The following CDK13 variants were observed in gnomAD, a reference collection of about 807,000 sequenced individuals.
The protein encoded by CDK13 is cyclin dependent kinase 13, also known as cyclin-dependent kinase 13.
A neutral mutation model predicts 137.6 loss-of-function variants in CDK13; 40 were observed. The observed-to-expected ratio is 0.29, with a 90% CI of 0.23 to 0.38. The LOEUF (loss-of-function observed/expected upper bound fraction) is 0.38. CDK13 is among the 10% of genes least tolerant of loss of function. CDK13 has a pLI of 1.00. For missense variants in CDK13, 1,704 were observed against 1,951.8 expected (o/e 0.87, Z 2.39); for synonymous variants, 869 against 760.1 (o/e 1.14, Z -2.36).
At chr7:40,045,748 T>G (rs1785722826) in intron 5 of CDK13, 88 bp from the exon 6 acceptor site, 2 of 828,994 alleles carry the variant, frequency 2.4e-6, no homozygotes, top group African/African-American at 3.5e-5. Flanking sequence ...TAATTCTTCC[T>G]CTACCAGCCT....
chr7:39,966,134 C>T (rs1783865681), intron 1 of CDK13, among the ~76,000 whole-genome samples: 1 of 152,114 alleles, frequency 6.6e-6, no homozygotes, highest in Non-Finnish European at 1.5e-5. Context: ...TTGTGGCGTT[C>T]TCTGCATTTC....
intron 7 of CDK13, among the ~76,000 whole-genome samples, chr7:40,058,132 A>T (rs549243434): frequency 3.3e-5 from 5 of 152,246 alleles, no homozygotes; most frequent in Admixed American, 3.3e-4. Flanking sequence ...TGAGAAAGGG[A>T]AAACTTAATG....
chr7:40,058,336 C>G (rs17171648), intron 7 of CDK13, among the ~76,000 whole-genome samples: 12,275 of 151,946 alleles, frequency 0.081, 1,664 homozygotes, highest in African/African-American at 0.28. Flanking sequence ...CAGTTTTAAG[C>G]AAGCAGTTGA....
chr7:40,020,374 GT>G (rs1488210277), intron 5 of CDK13, among the ~76,000 whole-genome samples: 2 of 151,994 alleles, frequency 1.3e-5, no homozygotes, highest in Non-Finnish European at 2.9e-5. Flanking sequence ...GGCCCAAATT[GT>G]TTTATCGCCT....
At chr7:39,955,970 G>A (rs1397241105) in intron 1 of CDK13, among the ~76,000 whole-genome samples, 3 of 151,738 alleles carry the variant, frequency 2.0e-5, no homozygotes, top group Non-Finnish European at 2.9e-5. Flanking sequence ...ATCTGAAAAA[G>A]ATGGGTGGAC....
intron 5 of CDK13, among the ~76,000 whole-genome samples, chr7:40,012,108 A>G (rs113608213): frequency 1.5e-4 from 23 of 152,294 alleles, no homozygotes; most frequent in African/African-American, 3.4e-4. Context: ...TAAGATGGCT[A>G]TTATAAAAAA....
chr7:39,950,627 G>T lies in CDK13; in HGVS notation c.-15G>T. On this transcript the variant is annotated 5_prime_UTR_variant, in exon 1 of 14. Coordinates refer to ENST00000181839, the MANE Select transcript of CDK13 (RefSeq NM_003718.5). ...AGGCCGCACCCGCGCCGCGCTCTGC[G>T]GCTGGCTCTAGGCGATGCCGAGCAG... 3 of 1,290,926 alleles carry T rather than the reference G, an allele frequency of 2.3e-6. No individual in the cohort carries two copies. Among genetic ancestry groups the T allele is most frequent in the South Asian group, 2.3e-5 (1 of 43,578 alleles). The allele number at this position is 1,290,926 out of a possible 1,614,324, so 80.0% of individuals were successfully genotyped here.
chr7:40,078,457 CA>C (rs1223029796), intron 10 of CDK13: 5 of 276,132 alleles, frequency 1.8e-5, no homozygotes, highest in African/African-American at 8.8e-5. Context: ...TGTATAATAA[CA>C]GCAAATTACC....
At chr7:40,058,100 A>G (rs946137188) in intron 7 of CDK13, among the ~76,000 whole-genome samples, 2 of 152,086 alleles carry the variant, frequency 1.3e-5, no homozygotes, top group Non-Finnish European at 2.9e-5. Flanking sequence ...TAGGAAGTAA[A>G]TTGGAGCTAA....
chr7:40,085,204 T>TA (rs1257333766), intron 11 of CDK13, among the ~76,000 whole-genome samples: 3 of 151,840 alleles, frequency 2.0e-5, no homozygotes, highest in Non-Finnish European at 4.4e-5. Flanking sequence ...CTACTAAAAA[T>TA]ACGAAAATTA....
At chr7:40,006,426 C>T (rs1003066518) in intron 5 of CDK13, among the ~76,000 whole-genome samples, 43 of 152,130 alleles carry the variant, frequency 2.8e-4, no homozygotes, top group Non-Finnish European at 1.8e-4. Flanking sequence ...TTACTTTCTT[C>T]CTTTCACTGA....
At chr7:39,965,579 C>A (rs1259951976) in intron 1 of CDK13, among the ~76,000 whole-genome samples, 2 of 152,142 alleles carry the variant, frequency 1.3e-5, no homozygotes, top group Admixed American at 6.5e-5. Flanking sequence ...CCAATTTGCC[C>A]ATCTGTGTCT....
Position 39,992,105 on chromosome 7 carries a change from G to A in CDK13, c.1871+3847G>A, listed in dbSNP as rs13438696. Among the ~76,000 whole-genome samples, 915 of 133,352 alleles carry A rather than the reference G, an allele frequency of 6.9e-3. 4 individuals carry two copies. Among genetic ancestry groups the A allele is most frequent in the East Asian group, 0.018 (82 of 4,552 alleles). 87.5% of individuals were successfully genotyped at this position (133,352 alleles called of 152,430 possible). On this transcript the variant is annotated intron_variant, in intron 2 of 13. Coordinates refer to ENST00000181839, the MANE Select transcript of CDK13 (RefSeq NM_003718.5). ...CACACACACACACACACACACACAC[G>A]CACACACACACACAAGCACACACGC...
intron 1 of CDK13, among the ~76,000 whole-genome samples, chr7:39,961,865 C>T (rs1783745595): frequency 6.6e-6 from 1 of 152,130 alleles, no homozygotes; most frequent in South Asian, 2.1e-4. Flanking sequence ...CAATTCCCAC[C>T]TATGAGTGAG....
chr7:40,062,811 T>G lies in CDK13; in HGVS notation c.2601-15T>G, dbSNP rs770352823. On this transcript the variant is annotated splice_polypyrimidine_tract_variant and intron_variant, in intron 7 of 13. Transcript: ENST00000181839. Reference sequence around the variant, plus strand: ...ACAAATACTAACTCTAAAGACTGTTTTCTGTGTTTTTTAGTCGGCCGTATA... The same window carrying G: ...ACAAATACTAACTCTAAAGACTGTTGTCTGTGTTTTTTAGTCGGCCGTATA... 4 of 1,554,844 alleles carry G rather than the reference T, an allele frequency of 2.6e-6. No individual in the cohort carries two copies. Among genetic ancestry groups the G allele is most frequent in the Non-Finnish European group, 3.6e-6 (4 of 1,126,498 alleles).
Position 40,095,951 on chromosome 7 carries a change from C to G in CDK13, c.*971C>G, listed in dbSNP as rs1305388237. The G allele has an allele frequency of 1.3e-5, 2 of 152,092 alleles. No individual in the cohort carries two copies. Among genetic ancestry groups the G allele is most frequent in the Non-Finnish European group, 2.9e-5 (2 of 68,016 alleles). 9.4% of individuals were successfully genotyped at this position (152,092 alleles called of 1,614,324 possible). On this transcript the variant is annotated 3_prime_UTR_variant, in exon 14 of 14. Coordinates refer to ENST00000181839, the MANE Select transcript of CDK13 (RefSeq NM_003718.5). ...ATCAGTACATATTGTTTGAGAAGTT[C>G]TACAAAGTTTTGTCATTTAAATGGT...
At chr7:40,077,696 A>G (rs970224910) in intron 9 of CDK13, among the ~76,000 whole-genome samples, 7 of 152,106 alleles carry the variant, frequency 4.6e-5, no homozygotes, top group African/African-American at 1.7e-4. Context: ...CTCTACTAAA[A>G]ATACAAAAAC....
chr7:39,961,196 TA>T (rs1454916247), intron 1 of CDK13, among the ~76,000 whole-genome samples: 6 of 151,972 alleles, frequency 3.9e-5, no homozygotes, highest in Admixed American at 3.9e-4. Context: ...CCGTCTCTAC[TA>T]AAAATACAAA....
intron 5 of CDK13, among the ~76,000 whole-genome samples, chr7:40,041,773 A>G (rs1250722204): frequency 8.0e-6 from 1 of 124,360 alleles, no homozygotes; most frequent in Non-Finnish European, 1.5e-5. Context: ...TTACATCTCT[A>G]CAACATTTTT....
Sources: gnomAD v4.1 joint callset for allele counts (sites outside exome capture counted in the v4.1 genomes callset) on GRCh38, gnomAD v4.1.1 for gene constraint, MANE v1.5 for transcripts, NCBI Gene and HGNC (gene_info 2026-07-23, HGNC 2026-07-21) for gene names.